STAG1: variants seen among roughly 807,000 people sequenced by gnomAD.
STAG1 encodes the protein cohesin subunit SA-1.
STAG1 carries 26 observed loss-of-function variants against 170.9 expected under a neutral mutation model. The ratio of observed to expected loss-of-function variants is 0.15; its 90% CI spans 0.11 to 0.21. STAG1 has a LOEUF of 0.21. Ranked by LOEUF, STAG1 falls within the 10% of genes least tolerant of loss-of-function variation. The pLI is 1.00. For synonymous variants in STAG1, 514 were observed against 497.7 expected, an observed-to-expected ratio of 1.03 and a Z score of -0.44; for missense variants, 964 against 1,509.5, an observed-to-expected ratio of 0.64 and a Z score of 5.99.
chr3:136,471,264 A>G (rs1391470825), intron 12 of STAG1, among the ~76,000 whole-genome samples: 2 of 152,210 alleles, frequency 1.3e-5, no homozygotes, highest in Admixed American at 6.6e-5. Context: ...ATTTTCATGC[A>G]TAAGTGATAT....
intron 21 of STAG1, among the ~76,000 whole-genome samples, chr3:136,400,583 G>A (rs745517813): frequency 1.3e-5 from 2 of 149,878 alleles, no homozygotes; most frequent in East Asian, 2.0e-4. Flanking sequence ...TTGCCCAGGC[G>A]GGAGTGCAAT....
intron 7 of STAG1, among the ~76,000 whole-genome samples, chr3:136,512,712 T>C (rs1934132255): frequency 6.7e-6 from 1 of 149,730 alleles, no homozygotes; most frequent in Non-Finnish European, 1.5e-5. Flanking sequence ...AAGACAGTGA[T>C]CACTAACAAC....
chr3:136,732,237 T>TAAAAAAAAAAA (rs71134406), intron 1 of STAG1, among the ~76,000 whole-genome samples: 2 of 85,754 alleles, frequency 2.3e-5, no homozygotes, highest in Non-Finnish European at 4.8e-5. Context: ...TATCCACAAC[T>TAAAAAAAAAAA]AAAAAAAAAA....
chr3:136,739,979 G>A (rs567877651), intron 1 of STAG1, among the ~76,000 whole-genome samples: 1 of 152,162 alleles, frequency 6.6e-6, no homozygotes, highest in Non-Finnish European at 1.5e-5. Flanking sequence ...AAGATTGGCT[G>A]AAGTTATCTG....
chr3:136,465,393 G>A (rs1189614129), intron 12 of STAG1, among the ~76,000 whole-genome samples: 1 of 151,208 alleles, frequency 6.6e-6, no homozygotes, highest in African/African-American at 2.4e-5. Flanking sequence ...CTAATTTTTT[G>A]TATTTTTAGT....
chr3:136,390,475 C>A (rs1483229119), intron 22 of STAG1, among the ~76,000 whole-genome samples: 2 of 152,114 alleles, frequency 1.3e-5, no homozygotes, highest in African/African-American at 4.8e-5. Context: ...GCCAATCAGG[C>A]ACTTGTGATT....
chr3:136,589,628 C>CAAAAAA (rs71626007), intron 4 of STAG1, among the ~76,000 whole-genome samples: 2 of 46,204 alleles, frequency 4.3e-5, no homozygotes, highest in Non-Finnish European at 9.6e-5. Flanking sequence ...CAAAGGGAGC[C>CAAAAAA]AAAAAAAAAA....
intron 22 of STAG1, among the ~76,000 whole-genome samples, chr3:136,384,122 A>G (rs569721905): frequency 1.6e-4 from 25 of 152,212 alleles, no homozygotes; most frequent in African/African-American, 5.8e-4. Context: ...TAAAATTAAT[A>G]TGTGGCAACT....
intron 22 of STAG1, among the ~76,000 whole-genome samples, chr3:136,378,545 G>C (rs1937743021): frequency 6.6e-6 from 1 of 152,188 alleles, no homozygotes; most frequent in African/African-American, 2.4e-5. Flanking sequence ...GAGCATGCCT[G>C]TAGTCCGAGT....
chr3:136,636,438 T>C (rs554162788), intron 1 of STAG1, among the ~76,000 whole-genome samples: 2 of 152,300 alleles, frequency 1.3e-5, no homozygotes, highest in African/African-American at 4.8e-5. Flanking sequence ...ATAGAAGAGA[T>C]AGACTCATTT....
chr3:136,574,112 G>A (rs1381022726), intron 4 of STAG1, among the ~76,000 whole-genome samples: 1 of 151,882 alleles, frequency 6.6e-6, no homozygotes, highest in Non-Finnish European at 1.5e-5. Flanking sequence ...ATGGTGGCAC[G>A]CGCCTATAGT....
intron 7 of STAG1, among the ~76,000 whole-genome samples, chr3:136,515,672 C>T (rs1295847691): frequency 6.6e-6 from 1 of 152,084 alleles, no homozygotes; most frequent in African/African-American, 2.4e-5. Flanking sequence ...AGCTAATTTT[C>T]AGAACCGATG....
intron 1 of STAG1, among the ~76,000 whole-genome samples, chr3:136,683,781 T>C (rs533562033): frequency 6.6e-5 from 10 of 152,262 alleles, no homozygotes; most frequent in African/African-American, 2.4e-4. Context: ...GAGACGAAAT[T>C]GTCTTGCAGA....
At chr3:136,608,810 A>G (rs1289382103) in intron 3 of STAG1, among the ~76,000 whole-genome samples, 2 of 151,746 alleles carry the variant, frequency 1.3e-5, no homozygotes, top group African/African-American at 4.8e-5. Context: ...AAAAAAAAAA[A>G]AAAAAAAAAG....
Position 136,498,233 on chromosome 3 carries a change from T to TATATATATATATATACAC in STAG1, c.902+1989_902+1990insGTGTATATATATATATAT. On this transcript the variant is annotated intron_variant, in intron 9 of 33. Coordinates refer to ENST00000383202, the MANE Select transcript of STAG1 (RefSeq NM_005862.3). Reference sequence around the variant, plus strand: ...AATTATATATATATATATATATATATACACATACATATACATACACACACA... The same window carrying TATATATATATATATACAC: ...AATTATATATATATATATATATATATATATATATATATATACACACACATACATATACATACACACACA... 1.2e-3 allele frequency among the ~76,000 whole-genome samples: 67 copies of TATATATATATATATACAC among 57,480 alleles called. 3 individuals are homozygous for TATATATATATATATACAC. The highest frequency in any genetic ancestry group is 6.5e-3 in the East Asian group (3 of 460). The allele number at this position is 57,480 out of a possible 152,430, so 37.7% of individuals were successfully genotyped here.
At chr3:136,466,958 G>C (rs562978768) in intron 12 of STAG1, among the ~76,000 whole-genome samples, 1 of 152,226 alleles carries the variant, frequency 6.6e-6, no homozygotes, top group South Asian at 2.1e-4. Context: ...AATGCTAAGA[G>C]ATTTTGTCAC....
intron 15 of STAG1, among the ~76,000 whole-genome samples, chr3:136,435,826 C>A (rs1028514495): frequency 2.0e-5 from 3 of 151,914 alleles, no homozygotes; most frequent in East Asian, 3.9e-4. Flanking sequence ...GCTGCCACCG[C>A]CCCTGGCTGA....
intron 21 of STAG1, among the ~76,000 whole-genome samples, chr3:136,413,199 A>AAC (rs531842246): frequency 6.7e-6 from 1 of 148,290 alleles, no homozygotes; most frequent in Non-Finnish European, 1.5e-5. Flanking sequence ...TAACATGTGT[A>AAC]ACACACACAT....
At chr3:136,509,232 A>G (rs1193437740) in intron 7 of STAG1, among the ~76,000 whole-genome samples, 1 of 152,234 alleles carries the variant, frequency 6.6e-6, no homozygotes, top group Non-Finnish European at 1.5e-5. Context: ...TCTTTCGACT[A>G]TCCCGATTAA....
Sources: allele counts gnomAD v4.1 joint callset (sites outside exome capture counted in the v4.1 genomes callset), GRCh38; gene constraint gnomAD v4.1.1; transcripts MANE v1.5; gene names NCBI Gene and HGNC (gene_info 2026-07-23, HGNC 2026-07-21).